LRRC72: variants seen among roughly 807,000 people sequenced by gnomAD.
The protein encoded by LRRC72 is leucine-rich repeat-containing protein 72.
A neutral mutation model predicts 35.8 loss-of-function variants in LRRC72; 41 were observed. The ratio of observed to expected loss-of-function variants is 1.15; its 90% CI spans 0.89 to 1.49. The LOEUF (loss-of-function observed/expected upper bound fraction) is 1.49, where lower values mean the gene tolerates loss of function less well. Ranked by LOEUF, LRRC72 falls within the 40% of genes most tolerant of loss-of-function variation. The probability of loss-of-function intolerance (pLI) is 0.00; values close to 1 mark genes in which losing one functional copy is unlikely to be tolerated. For missense variants in LRRC72, 389 were observed against 330.7 expected (o/e 1.18, Z -1.37); for synonymous variants, 118 against 119.2 (o/e 0.99, Z 0.07).
intron 3 of LRRC72, among the ~76,000 whole-genome samples, chr7:16,555,970 T>C (rs1210727243): frequency 3.3e-5 from 5 of 151,708 alleles, no homozygotes; most frequent in African/African-American, 1.2e-4. Context: ...TTATTTGCAG[T>C]TATTAGAACA....
intron 5 of LRRC72, among the ~76,000 whole-genome samples, chr7:16,562,682 G>A (rs1406254971): frequency 2.0e-5 from 3 of 152,186 alleles, no homozygotes; most frequent in Non-Finnish European, 1.5e-5. Context: ...GGGGAGCAGA[G>A]GGATTCTGGG....
intron 3 of LRRC72, among the ~76,000 whole-genome samples, chr7:16,549,724 A>AATGGGGTG (rs1429591468): frequency 6.6e-6 from 1 of 152,166 alleles, no homozygotes; most frequent in Non-Finnish European, 1.5e-5. Flanking sequence ...TATCTTGTTT[A>AATGGGGTG]ATGGGGTGTA....
intron 5 of LRRC72, among the ~76,000 whole-genome samples, chr7:16,563,253 A>T (rs1782773123): frequency 6.6e-6 from 1 of 152,226 alleles, no homozygotes; most frequent in Non-Finnish European, 1.5e-5. Context: ...ACAAAAAAAT[A>T]ACTGGAGCCA....
rs11379958 is a variant in LRRC72, at chr7:16,567,552, T to TAAAAA, written c.670+22_670+26dup. On this transcript the variant is annotated intron_variant, in intron 7 of 8. Coordinates refer to ENST00000401542, the MANE Select transcript of LRRC72 (RefSeq NM_001195280.2). Reference sequence around the variant, plus strand: ...CCAGAGAGTACCTTCAGGTATTTCGTAAAAAAAAAAAAAAAAACAAATTTA... The same window carrying TAAAAA: ...CCAGAGAGTACCTTCAGGTATTTCGTAAAAAAAAAAAAAAAAAAAAAACAAATTTA... 1.2e-4 allele frequency: 128 copies of TAAAAA among 1,091,910 alleles called. No individual in the cohort carries two copies. Among genetic ancestry groups the TAAAAA allele is most frequent in the South Asian group, 1.5e-4 (4 of 26,526 alleles). The allele number at this position is 1,091,910 out of a possible 1,614,324, so 67.6% of individuals were successfully genotyped here.
Position 16,526,903 on chromosome 7 carries a change from G to A in LRRC72, c.-50G>A, listed in dbSNP as rs746030659. On this transcript the variant is annotated 5_prime_UTR_variant, in exon 1 of 9. Coordinates refer to ENST00000401542, the MANE Select transcript of LRRC72 (RefSeq NM_001195280.2). ...GCCAAGTCTCTCTTCGGTGCCACCG[G>A]CGGGCGAGGCCGGATTAATCACCGC... 16 of 1,451,886 alleles carry A rather than the reference G, an allele frequency of 1.1e-5. No individual in the cohort carries two copies. The East Asian group carries it at 2.2e-4, about 20-fold the overall frequency. 89.9% of individuals were successfully genotyped at this position (1,451,886 alleles called of 1,614,324 possible). A position where few individuals can be genotyped will look rare whatever the true frequency, so the allele number is the denominator to read the frequency against.
chr7:16,575,074 C>T (rs1214387335), intron 7 of LRRC72, among the ~76,000 whole-genome samples: 1 of 149,386 alleles, frequency 6.7e-6, no homozygotes, highest in East Asian at 2.0e-4. Flanking sequence ...GAGATCGCAT[C>T]ACTGCACTTT....
chr7:16,575,003 T>C (rs1329891803), intron 7 of LRRC72, among the ~76,000 whole-genome samples: 1 of 151,934 alleles, frequency 6.6e-6, no homozygotes, highest in Non-Finnish European at 1.5e-5. Flanking sequence ...TAATTCCAGC[T>C]ACTTGGGAGG....
Position 16,537,626 on chromosome 7 carries a change from G to A in LRRC72, c.165-1G>A, listed in dbSNP as rs1377283910. ...TGTTCACATTTTTTTTTTCTTTCCA[G>A]GGAACTGACAGAGGTCATTGATCTT... On this transcript the variant is annotated splice_acceptor_variant, in intron 2 of 8. Coordinates refer to ENST00000401542, the MANE Select transcript of LRRC72 (RefSeq NM_001195280.2). LOFTEE classifies it high-confidence loss of function. 6.6e-7 allele frequency: 1 copy of A among 1,515,642 alleles called. No individual in the cohort carries two copies. 93.9% of individuals were successfully genotyped at this position (1,515,642 alleles called of 1,614,324 possible). A position where few individuals can be genotyped will look rare whatever the true frequency, so the allele number is the denominator to read the frequency against.
Position 16,572,795 on chromosome 7 carries a change from C to T in LRRC72, c.670+5252C>T, listed in dbSNP as rs78522053. Among the ~76,000 whole-genome samples the T allele has an allele frequency of 0.019, 2,871 of 152,190 alleles. 147 individuals carry two copies. In the East Asian group the frequency reaches 0.19, roughly 10 times the overall value. On this transcript the variant is annotated intron_variant, in intron 7 of 8. Transcript: ENST00000401542. ...CCTATTCAACATAGTATTGAAAGTT[C>T]TGGCCAGGGTAATCAGGCAAGAGAA...
rs138515878 is a variant in LRRC72, at chr7:16,529,643, G to C, written c.90+2601G>C. Reference sequence around the variant, plus strand: ...ACATTTTCATGTTTCTGGGCACTTTGATATTAATATTTTGTACTGGATTCA... The same window carrying C: ...ACATTTTCATGTTTCTGGGCACTTTCATATTAATATTTTGTACTGGATTCA... On this transcript the variant is annotated intron_variant, in intron 1 of 8. Transcript: ENST00000401542. 5.5e-3 allele frequency among the ~76,000 whole-genome samples: 837 copies of C among 151,302 alleles called. 12 individuals carry two copies. Among genetic ancestry groups the C allele is most frequent in the Middle Eastern group, 0.038 (11 of 290 alleles).
At chr7:16,569,944 C>T (rs1226408992) in intron 7 of LRRC72, among the ~76,000 whole-genome samples, 3 of 151,784 alleles carry the variant, frequency 2.0e-5, no homozygotes, top group Non-Finnish European at 2.9e-5. Context: ...GCAGGAGAAT[C>T]GCTTGCACCT....
In LRRC72 at chr7:16,548,399, G is replaced by A. The variant is rs887304816; in HGVS notation, c.235-8961G>A. ...GAGAAGAGAGAAGGGGAGAAGAGAGGAGAGAAGAGCTGAGGCCCTTTGGGG... is the reference window on the plus strand; with the variant it reads ...GAGAAGAGAGAAGGGGAGAAGAGAGAAGAGAAGAGCTGAGGCCCTTTGGGG... On this transcript the variant is annotated intron_variant, in intron 3 of 8. Transcript: ENST00000401542. 1.4e-4 allele frequency among the ~76,000 whole-genome samples: 22 copies of A among 152,322 alleles called. No individual in the cohort carries two copies. In the South Asian group the frequency reaches 4.6e-3, roughly 32 times the overall value.
chr7:16,565,872 T>C (rs1782829788), intron 5 of LRRC72, among the ~76,000 whole-genome samples: 1 of 152,246 alleles, frequency 6.6e-6, no homozygotes, highest in Non-Finnish European at 1.5e-5. Context: ...CCGGGTGTTG[T>C]GTCTCTGCCT....
In LRRC72 at chr7:16,577,218, G is replaced by T. The variant is rs1012311561; in HGVS notation, c.671-2856G>T. Among the ~76,000 whole-genome samples, 9 of 152,220 alleles carry T rather than the reference G, an allele frequency of 5.9e-5. No homozygotes were observed. In the East Asian group the frequency reaches 1.7e-3, roughly 29 times the overall value. ...GGAGTTGTGTACAAGAATTTGTGAA[G>T]GGAAAAATCAGCAGTCAACAGAGCT... On this transcript the variant is annotated intron_variant, in intron 7 of 8. Coordinates refer to ENST00000401542, the MANE Select transcript of LRRC72 (RefSeq NM_001195280.2).
chr7:16,543,611 A>G (rs1009190994), intron 3 of LRRC72, among the ~76,000 whole-genome samples: 1 of 152,178 alleles, frequency 6.6e-6, no homozygotes, highest in South Asian at 2.1e-4. Context: ...GAACTGTCTA[A>G]GCCAACCAGA....
chr7:16,532,755 A>T, intron 2 of LRRC72, 187 bp downstream of exon 2: 1 of 650,910 alleles, frequency 1.5e-6, no homozygotes, highest in Non-Finnish European at 2.8e-6. Flanking sequence ...ATTGATTAAA[A>T]AAAAAAAAAT....
At chr7:16,545,260 A>G (rs1364373326) in intron 3 of LRRC72, among the ~76,000 whole-genome samples, 1 of 152,260 alleles carries the variant, frequency 6.6e-6, no homozygotes, top group Non-Finnish European at 1.5e-5. Flanking sequence ...GCTCCTAGAC[A>G]TGAAGCGCAT....
intron 4 of LRRC72, among the ~76,000 whole-genome samples, chr7:16,558,379 C>A (rs766540970): frequency 6.6e-6 from 1 of 152,100 alleles, no homozygotes; most frequent in Non-Finnish European, 1.5e-5. Context: ...GAGGCCTAGG[C>A]GGGCAGATCA....
intron 3 of LRRC72, among the ~76,000 whole-genome samples, chr7:16,545,594 A>G (rs1418782196): frequency 6.6e-6 from 1 of 152,176 alleles, no homozygotes; most frequent in Non-Finnish European, 1.5e-5. Context: ...AGAATGTAAG[A>G]GCTATTAAAA....
Sources: allele counts gnomAD v4.1 joint callset (sites outside exome capture counted in the v4.1 genomes callset), GRCh38; gene constraint gnomAD v4.1.1; transcripts MANE v1.5; gene names NCBI Gene and HGNC (gene_info 2026-07-23, HGNC 2026-07-21).